SCHIP1: variants seen among roughly 807,000 people sequenced by gnomAD.
SCHIP1 encodes the protein schwannomin interacting protein 1, also known as schwannomin-interacting protein 1.
A neutral mutation model predicts 29.7 loss-of-function variants in SCHIP1; 8 were observed. The ratio of observed to expected loss-of-function variants is 0.27; its 90% confidence interval spans 0.16 to 0.49. SCHIP1 has a LOEUF of 0.49. SCHIP1 is among the 20% of genes least tolerant of loss of function. The pLI, the probability that SCHIP1 is intolerant of heterozygous loss-of-function variation, is 0.99. For synonymous variants in SCHIP1, 76 were observed against 94.9 expected, an observed-to-expected ratio of 0.80 and a Z score of 1.16; for missense variants, 193 against 294.6, an observed-to-expected ratio of 0.66 and a Z score of 2.52.
the SCHIP1 span, among the ~76,000 whole-genome samples, chr3:159,601,865 TAA>T: frequency 6.6e-6 from 1 of 152,150 alleles, no homozygotes; most frequent in East Asian, 1.9e-4. Context: ...GGTCACTGGG[TAA>T]TGTCAGCAAA....
At chr3:159,819,160 T>C in the SCHIP1 span, among the ~76,000 whole-genome samples, 7 of 152,298 alleles carry the variant, frequency 4.6e-5, no homozygotes, top group South Asian at 1.2e-3. Flanking sequence ...CTCCGTGGGC[T>C]GTTTGTGTGT....
the SCHIP1 span, among the ~76,000 whole-genome samples, chr3:159,510,303 T>C: frequency 6.6e-6 from 1 of 152,248 alleles, no homozygotes; most frequent in Non-Finnish European, 1.5e-5. Context: ...TCTCGTGCCA[T>C]GGTTTTCAGC....
At chr3:159,365,861 C>T in the SCHIP1 span, among the ~76,000 whole-genome samples, 2 of 152,100 alleles carry the variant, frequency 1.3e-5, no homozygotes, top group African/African-American at 4.8e-5. Flanking sequence ...CCTAAGACCC[C>T]CTCTCTTGAT....
At chr3:159,707,738 C>T in the SCHIP1 span, among the ~76,000 whole-genome samples, 3 of 152,158 alleles carry the variant, frequency 2.0e-5, no homozygotes, top group Middle Eastern at 3.4e-3. Context: ...GAAATTTTCC[C>T]GTAGATCAAA....
the SCHIP1 span, among the ~76,000 whole-genome samples, chr3:159,720,381 T>TA: frequency 7.9e-3 from 1,199 of 150,952 alleles, 14 homozygotes; most frequent in African/African-American, 0.025. Context: ...ACTTAAAGTA[T>TA]AAAAAAAAAT....
chr3:159,274,632 T>C, the SCHIP1 span: 22 of 828,214 alleles, frequency 2.7e-5, no homozygotes, highest in Non-Finnish European at 3.2e-5. Flanking sequence ...ATGATATTAT[T>C]ATATGACACA....
chr3:159,853,200 G>A, intron 1 of SCHIP1: 1 of 448,744 alleles, frequency 2.2e-6, no homozygotes, highest in Admixed American at 4.3e-5. Context: ...GGCCAGGGAG[G>A]CTGGGCGGGG....
chr3:159,502,873 G>A, the SCHIP1 span, among the ~76,000 whole-genome samples: 2 of 152,188 alleles, frequency 1.3e-5, no homozygotes, highest in African/African-American at 4.8e-5. Context: ...CCACACAGGG[G>A]CCAACTGGCC....
chr3:159,487,342 T>C, the SCHIP1 span, among the ~76,000 whole-genome samples: 2 of 152,152 alleles, frequency 1.3e-5, no homozygotes, highest in African/African-American at 2.4e-5. Flanking sequence ...AACACACTCC[T>C]GTATCCCATG....
At chr3:159,395,383 G>T in the SCHIP1 span, among the ~76,000 whole-genome samples, 1 of 151,946 alleles carries the variant, frequency 6.6e-6, no homozygotes, top group African/African-American at 2.4e-5. Flanking sequence ...GTTTCCTCTT[G>T]CTTTTCTAGT....
the SCHIP1 span, among the ~76,000 whole-genome samples, chr3:159,760,007 A>G: frequency 6.9e-6 from 1 of 144,806 alleles, no homozygotes; most frequent in Non-Finnish European, 1.5e-5. Flanking sequence ...GTATTAATCT[A>G]GACAGTTTCC....
At chr3:159,642,622 C>G in the SCHIP1 span, among the ~76,000 whole-genome samples, 1 of 152,118 alleles carries the variant, frequency 6.6e-6, no homozygotes, top group Non-Finnish European at 1.5e-5. Context: ...CCCAGATAAG[C>G]TGAGGTTCAA....
At chr3:159,277,971 A>G in the SCHIP1 span, among the ~76,000 whole-genome samples, 2 of 152,046 alleles carry the variant, frequency 1.3e-5, no homozygotes, top group East Asian at 1.9e-4. Flanking sequence ...TAAAGCATTG[A>G]GCTTCTCATC....
the SCHIP1 span, among the ~76,000 whole-genome samples, chr3:159,518,848 G>A: frequency 1.8e-4 from 27 of 152,126 alleles, no homozygotes; most frequent in African/African-American, 6.3e-4. Context: ...CATTAAGAAA[G>A]ATAAAATAAT....
the SCHIP1 span, among the ~76,000 whole-genome samples, chr3:159,693,937 A>C: frequency 2.6e-5 from 4 of 152,214 alleles, no homozygotes; most frequent in Admixed American, 1.3e-4. Context: ...TGGTTTCCAC[A>C]GCAACTACAG....
the SCHIP1 span, among the ~76,000 whole-genome samples, chr3:159,796,982 A>G: frequency 6.6e-6 from 1 of 152,178 alleles, no homozygotes; most frequent in Non-Finnish European, 1.5e-5. Context: ...TTTTTCTGTT[A>G]TGTTTGGTCT....
the SCHIP1 span, among the ~76,000 whole-genome samples, chr3:159,310,748 A>G: frequency 6.6e-6 from 1 of 152,210 alleles, no homozygotes; most frequent in Admixed American, 6.5e-5. Context: ...TTGCAGGTAC[A>G]GGCTATCACA....
the SCHIP1 span, among the ~76,000 whole-genome samples, chr3:159,536,561 A>G: frequency 6.6e-6 from 1 of 152,338 alleles, no homozygotes; most frequent in Non-Finnish European, 1.5e-5. Context: ...GAGGAACCCC[A>G]GCTCTGACTA....
the SCHIP1 span, among the ~76,000 whole-genome samples, chr3:159,507,767 G>A: frequency 4.9e-4 from 75 of 152,198 alleles, no homozygotes; most frequent in African/African-American, 1.6e-3. Flanking sequence ...GCTGGATTAC[G>A]TTTATTGATT....
Sources: allele counts gnomAD v4.1 joint callset (sites outside exome capture counted in the v4.1 genomes callset), GRCh38; gene constraint gnomAD v4.1.1; transcripts MANE v1.5; gene names NCBI Gene and HGNC (gene_info 2026-07-23, HGNC 2026-07-21).